Variants in EYA2 observed in about 807,000 individuals in gnomAD.
EYA2 encodes the protein EYA transcriptional coactivator and phosphatase 2, also known as protein phosphatase EYA2.
A neutral mutation model predicts 69.2 loss-of-function variants in EYA2; 31 were observed. The observed-to-expected ratio is 0.45, with a 90% CI of 0.34 to 0.60. The LOEUF (loss-of-function observed/expected upper bound fraction) is 0.60. Ranked by LOEUF, EYA2 falls within the 20% of genes least tolerant of loss-of-function variation. EYA2 has a pLI of 0.02. For synonymous variants in EYA2, 257 were observed against 279.4 expected, an observed-to-expected ratio of 0.92 and a Z score of 0.80; for missense variants, 622 against 701.2, an observed-to-expected ratio of 0.89 and a Z score of 1.28.
intron 8 of EYA2, among the ~76,000 whole-genome samples, chr20:47,095,013 CA>C (rs111392885): frequency 0.015 from 2,238 of 151,044 alleles, 59 homozygotes; most frequent in African/African-American, 0.049. Context: ...GGCCCTGTCT[CA>C]AAAAAAATTT....
intron 10 of EYA2, among the ~76,000 whole-genome samples, chr20:47,166,537 C>G (rs1424721389): frequency 2.0e-5 from 3 of 149,054 alleles, no homozygotes; most frequent in African/African-American, 7.4e-5. Flanking sequence ...ATGTTACAAC[C>G]AATTTTTTCT....
chr20:47,119,904 A>G (rs1194615080), intron 9 of EYA2, among the ~76,000 whole-genome samples: 1 of 151,992 alleles, frequency 6.6e-6, no homozygotes, highest in African/African-American at 2.4e-5. Context: ...TTGTCGCTAC[A>G]GAAAGAAAAA....
chr20:47,106,199 T>C (rs1478347547), intron 9 of EYA2, among the ~76,000 whole-genome samples: 1 of 152,168 alleles, frequency 6.6e-6, no homozygotes, highest in Non-Finnish European at 1.5e-5. Flanking sequence ...GGCCACATTT[T>C]TCCTCTTGCC....
chr20:47,070,960 C>T (rs570559565), intron 5 of EYA2, among the ~76,000 whole-genome samples: 27 of 152,172 alleles, frequency 1.8e-4, no homozygotes, highest in South Asian at 8.3e-4. Context: ...GCAATCCCCC[C>T]GCCTCAGCCT....
chr20:47,009,600 T>C (rs777880806), intron 4 of EYA2, among the ~76,000 whole-genome samples: 2 of 152,218 alleles, frequency 1.3e-5, no homozygotes, highest in Non-Finnish European at 2.9e-5. Context: ...ATGTTTATCA[T>C]TCCCCTGCAT....
chr20:46,973,806 A>G (rs1600597267), intron 1 of EYA2, among the ~76,000 whole-genome samples: 2 of 152,172 alleles, frequency 1.3e-5, no homozygotes, highest in East Asian at 3.9e-4. Context: ...AGGAAAAAAA[A>G]AAAACCCTCA....
intron 9 of EYA2, among the ~76,000 whole-genome samples, chr20:47,135,227 G>C (rs1162692165): frequency 1.4e-5 from 2 of 146,368 alleles, no homozygotes; most frequent in Non-Finnish European, 3.0e-5. Flanking sequence ...TTTTAATGCT[G>C]TTCATTAAAC....
chr20:46,987,016 T>C (rs943475755), intron 1 of EYA2, among the ~76,000 whole-genome samples: 1 of 152,214 alleles, frequency 6.6e-6, no homozygotes, highest in Non-Finnish European at 1.5e-5. Flanking sequence ...GGCTTTCTTA[T>C]TTAAAAATTA....
chr20:47,039,111 TCACACA>T (rs11467574), intron 5 of EYA2, among the ~76,000 whole-genome samples: 1 of 149,866 alleles, frequency 6.7e-6, no homozygotes, highest in African/African-American at 2.5e-5. Context: ...GATGTCGAAA[TCACACA>T]CACACACACA....
intron 7 of EYA2, among the ~76,000 whole-genome samples, chr20:47,084,278 C>G (rs753107450): frequency 6.7e-6 from 1 of 149,106 alleles, no homozygotes; most frequent in Non-Finnish European, 1.5e-5. Flanking sequence ...CAGTAGCTCA[C>G]GCCTCTAATC....
chr20:47,044,727 T>C (rs1056613682), intron 5 of EYA2, among the ~76,000 whole-genome samples: 1 of 152,226 alleles, frequency 6.6e-6, no homozygotes, highest in Non-Finnish European at 1.5e-5. Context: ...ACAAAAATCC[T>C]ATCTATAATT....
intron 9 of EYA2, among the ~76,000 whole-genome samples, chr20:47,121,313 G>A (rs899746570): frequency 2.0e-5 from 3 of 152,036 alleles, no homozygotes; most frequent in African/African-American, 2.4e-5. Context: ...GGCTTGTCTC[G>A]AACTCCTGAC....
At chr20:47,162,806 A>G (rs2146636604) in intron 10 of EYA2, among the ~76,000 whole-genome samples, 1 of 151,684 alleles carries the variant, frequency 6.6e-6, no homozygotes, top group Non-Finnish European at 1.5e-5. Flanking sequence ...GGTGTGAGCC[A>G]CCACACCTGG....
chr20:47,017,219 G>C (rs1207897191), intron 5 of EYA2, among the ~76,000 whole-genome samples: 1 of 152,210 alleles, frequency 6.6e-6, no homozygotes, highest in Non-Finnish European at 1.5e-5. Context: ...TAATTATGGG[G>C]ATCCCCATTC....
At chr20:47,038,949 C>G (rs1984875596) in intron 5 of EYA2, among the ~76,000 whole-genome samples, 1 of 152,172 alleles carries the variant, frequency 6.6e-6, no homozygotes, top group African/African-American at 2.4e-5. Flanking sequence ...TTCACAGCTA[C>G]TGGGCCTTAG....
At chr20:47,187,092 G>C (rs574879920) in intron 15 of EYA2, among the ~76,000 whole-genome samples, 8 of 152,070 alleles carry the variant, frequency 5.3e-5, no homozygotes, top group Admixed American at 2.0e-4. Flanking sequence ...AATTCAGCTG[G>C]GCACAATGGC....
chr20:47,132,757 C>G (rs112073838), intron 9 of EYA2, among the ~76,000 whole-genome samples: 3 of 152,238 alleles, frequency 2.0e-5, no homozygotes, highest in African/African-American at 7.2e-5. Flanking sequence ...GTCCCTTGCC[C>G]CATTAGGCAA....
At chr20:47,134,866 G>A (rs531451659) in intron 9 of EYA2, among the ~76,000 whole-genome samples, 1 of 152,114 alleles carries the variant, frequency 6.6e-6, no homozygotes, top group Admixed American at 6.5e-5. Flanking sequence ...AGTGGCTCAC[G>A]CCTGTAATCC....
At chr20:46,973,497 G>C (rs1379516915) in intron 1 of EYA2, among the ~76,000 whole-genome samples, 1 of 152,224 alleles carries the variant, frequency 6.6e-6, no homozygotes, top group Non-Finnish European at 1.5e-5. Context: ...ATGACACAAG[G>C]AGTGAGTGTG....
Sources: allele counts gnomAD v4.1 joint callset (sites outside exome capture counted in the v4.1 genomes callset), GRCh38; gene constraint gnomAD v4.1.1; transcripts MANE v1.5; gene names NCBI Gene and HGNC (gene_info 2026-07-23, HGNC 2026-07-21).